The following PCDHA10 variants were observed in gnomAD, a reference collection of about 807,000 sequenced individuals.
The protein encoded by PCDHA10 is protocadherin alpha-10.
In PCDHA10, 45 loss-of-function variants were observed where a neutral mutation model predicts 61.2. That is an observed-to-expected ratio of 0.74 (90% CI 0.58 to 0.94). PCDHA10 has a LOEUF of 0.94. PCDHA10 is among the 40% of genes least tolerant of loss of function. The probability of loss-of-function intolerance (pLI) is 0.00; values close to 1 mark genes in which losing one functional copy is unlikely to be tolerated. For synonymous variants in PCDHA10, 602 were observed against 548.8 expected, an observed-to-expected ratio of 1.10 and a Z score of -1.35; for missense variants, 1,278 against 1,236.2, an observed-to-expected ratio of 1.03 and a Z score of -0.51.
At chr5:140,884,014 G>A (rs1582743653) in intron 1 of PCDHA10, 1 of 1,613,168 alleles carries the variant, frequency 6.2e-7, no homozygotes, top group Non-Finnish European at 8.5e-7. Context: ...AGCTGATGCC[G>A]CGGTCGGTGG....
At position 140,863,585 on chromosome 5, in the gene PCDHA10, A is replaced by G. The variant is rs1365017699; in HGVS notation, c.2388+5149A>G. ...GAGAATATAAGTACTGTAATCCTGG[A>G]AAGTATTTCATTCCTATTAATGTCC... On this transcript the variant is annotated intron_variant, in intron 1 of 3. Coordinates refer to ENST00000307360, the MANE Select transcript of PCDHA10 (RefSeq NM_018901.4). The G allele has an allele frequency of 3.6e-5, 13 of 361,228 alleles. No homozygotes were observed. The East Asian group carries it at 7.6e-4, about 21-fold the overall frequency. The allele number at this position is 361,228 out of a possible 1,614,324, so 22.4% of individuals were successfully genotyped here.
Position 140,856,902 on chromosome 5 carries a change from C to A in PCDHA10, c.854C>A (p.Pro285Gln). 1 of 1,596,268 alleles carries A rather than the reference C, an allele frequency of 6.3e-7. No homozygotes were observed. The highest frequency in any genetic ancestry group is 8.6e-7 in the Non-Finnish European group (1 of 1,166,172). The change falls in exon 1 of 4, where the codon CCA becomes CAA. Residue 285 changes from proline (P) to glutamine (Q), a missense_variant. Transcript: ENST00000307360. The part of the protein sequence containing the change: ...EMMYSFSSLV[P>Q]PTIRRKFWIN... ...ATGTATTCATTTAGCTCTTTGGTCC[C>A]ACCCACGATAAGAAGGAAATTTTGG...
At chr5:140,928,321 A>C (rs1296238254) in intron 1 of PCDHA10, 2 of 1,614,044 alleles carry the variant, frequency 1.2e-6, no homozygotes, top group African/African-American at 2.7e-5. Context: ...CCTGGGGAAG[A>C]ATGGCCTTGT....
chr5:140,876,511 G>A lies in PCDHA10; in HGVS notation c.2388+18075G>A, dbSNP rs559810221. 2.4e-4 allele frequency: 380 copies of A among 1,614,076 alleles called. 4 individuals carry two copies. The South Asian group carries it at 3.9e-3, about 16-fold the overall frequency. ...GGAAGTTCTGGACGTGAATGACAATGTCCCTGAAGTAATGGTTACTTCACT... is the reference window on the plus strand; with the variant it reads ...GGAAGTTCTGGACGTGAATGACAATATCCCTGAAGTAATGGTTACTTCACT... On this transcript the variant is annotated intron_variant, in intron 1 of 3. Coordinates refer to ENST00000307360, the MANE Select transcript of PCDHA10 (RefSeq NM_018901.4).
At chr5:141,002,474 C>T (rs141241701) in intron 3 of PCDHA10, among the ~76,000 whole-genome samples, 65 of 152,334 alleles carry the variant, frequency 4.3e-4, no homozygotes, top group African/African-American at 1.3e-3. Flanking sequence ...TTAGCATTTT[C>T]AAAGGATGAC....
Position 140,856,596 on chromosome 5 carries a change from A to G in PCDHA10, c.548A>G (p.Asn183Ser). ...PNEYFVLDII[N>S]KKDKDKFPVL... is the part of the protein sequence containing the mutation. ...GAGTATTTTGTTCTTGATATTATAA[A>G]CAAAAAAGACAAAGACAAATTCCCA... is the stretch of plus-strand genomic sequence containing the variant. The change falls in exon 1 of 4, where the codon AAC becomes AGC. Residue 183 changes from asparagine to serine, a missense_variant. Physicochemically the swap from Asn to Ser is conservative, Grantham distance 46. Transcript: ENST00000307360. The G allele has an allele frequency of 6.3e-7, 1 of 1,597,802 alleles. No individual in the cohort carries two copies. The highest frequency in any genetic ancestry group is 8.6e-7 in the Non-Finnish European group (1 of 1,167,344).
At position 140,877,671 on chromosome 5, in the gene PCDHA10, G is replaced by T. The variant is rs138162923; in HGVS notation, c.2388+19235G>T. 2.5e-6 allele frequency: 4 copies of T among 1,613,620 alleles called. No individual in the cohort carries two copies. The South Asian group carries it at 3.3e-5, about 13-fold the overall frequency. On this transcript the variant is annotated intron_variant, in intron 1 of 3. Coordinates refer to ENST00000307360, the MANE Select transcript of PCDHA10 (RefSeq NM_018901.4). ...CGCCGCCCACCGTGAGCCGGTGCGC[G>T]CCGGGCAAGCCCACGCTGGTGTGCT...
chr5:140,927,272 G>A lies in PCDHA10; in HGVS notation c.2389-51677G>A, dbSNP rs782403423. 3.7e-6 allele frequency: 6 copies of A among 1,613,966 alleles called. No homozygotes were observed. Among genetic ancestry groups the A allele is most frequent in the African/African-American group, 1.3e-5 (1 of 74,910 alleles). ...GACAACTCACCTCTCTTTCCTGCCG[G>A]CGACGTGCAGCTGCACATCCCCGAG... On this transcript the variant is annotated intron_variant, in intron 1 of 3. Transcript: ENST00000307360.
Position 140,858,345 on chromosome 5 carries a change from A to G in PCDHA10, c.2297A>G (p.Asp766Gly), listed in dbSNP as rs782668038. 4 of 1,594,626 alleles carry G rather than the reference A, an allele frequency of 2.5e-6. 1 individual carries two copies. The African/African-American group carries it at 5.4e-5, about 21-fold the overall frequency. Residue 766 changes from aspartate to glycine, a missense_variant, in exon 1 of 4, where the codon GAC (aspartate) becomes GGC (glycine). Asp to Gly is a moderately conservative substitution (Grantham distance 94, BLOSUM62 -1). Coordinates refer to ENST00000307360, the MANE Select transcript of PCDHA10 (RefSeq NM_018901.4). ...VCSGEGLPKA[D>G]LMAFSPSLPP... is the part of the protein sequence containing the mutation. ...TCTGGGGAGGGCCTGCCCAAGGCGGACCTCATGGCCTTCAGCCCCAGCCTT... is the reference window on the plus strand; with the variant it reads ...TCTGGGGAGGGCCTGCCCAAGGCGGGCCTCATGGCCTTCAGCCCCAGCCTT...
At chr5:140,974,724 C>T (rs893225073) in intron 1 of PCDHA10, among the ~76,000 whole-genome samples, 11 of 152,168 alleles carry the variant, frequency 7.2e-5, no homozygotes, top group Admixed American at 2.6e-4. Flanking sequence ...TGCTCTCGAA[C>T]TCCTGTCTCC....
At chr5:140,933,212 T>C (rs2088935461) in intron 1 of PCDHA10, among the ~76,000 whole-genome samples, 1 of 151,682 alleles carries the variant, frequency 6.6e-6, no homozygotes, top group African/African-American at 2.4e-5. Context: ...ATTACATGTC[T>C]GTTATATTGC....
chr5:140,988,062 A>G (rs1032842011), intron 3 of PCDHA10, among the ~76,000 whole-genome samples: 1 of 152,114 alleles, frequency 6.6e-6, no homozygotes, highest in Non-Finnish European at 1.5e-5. Context: ...GTCAACATGA[A>G]TTTTTCTATT....
intron 1 of PCDHA10, among the ~76,000 whole-genome samples, chr5:140,909,668 CA>C (rs1554193872): frequency 6.6e-6 from 1 of 152,162 alleles, no homozygotes; most frequent in Non-Finnish European, 1.5e-5. Context: ...CTCACTCTAC[CA>C]GTCAGGGAGC....
At chr5:140,994,329 T>A (rs1041024319) in intron 3 of PCDHA10, among the ~76,000 whole-genome samples, 2 of 152,096 alleles carry the variant, frequency 1.3e-5, no homozygotes, top group Non-Finnish European at 2.9e-5. Context: ...TCAGCAACCA[T>A]GAACAGTGGA....
chr5:140,856,444 C>G lies in PCDHA10; in HGVS notation c.396C>G (p.Phe132Leu). 1 of 1,598,432 alleles carries G rather than the reference C, an allele frequency of 6.3e-7. No homozygotes were observed. The highest frequency in any genetic ancestry group is 8.6e-7 in the Non-Finnish European group (1 of 1,167,938). ...ACATTAACGACAACCCGCCCAGGTT[C>G]TCCGTAACAGAACAAAAGCTCTCAA... ...VKDINDNPPR[F>L]SVTEQKLSIP... Residue 132 changes from phenylalanine (F) to leucine (L), a missense_variant, in exon 1 of 4, where the codon TTC becomes TTG. By Grantham distance (22) the Phe-to-Leu change is conservative. Coordinates refer to ENST00000307360, the MANE Select transcript of PCDHA10 (RefSeq NM_018901.4).
chr5:141,010,446 C>T lies in PCDHA10; in HGVS notation c.*509C>T. The T allele has an allele frequency of 1.1e-6, 1 of 944,708 alleles. No homozygotes were observed. The highest frequency in any genetic ancestry group is 1.5e-6 in the Non-Finnish European group (1 of 656,274). 58.5% of individuals were successfully genotyped at this position (944,708 alleles called of 1,614,324 possible). ...AGGCAAGAAAACAAAGACAAATAAACAGCGGAAGTTATCAGTATGGAGGGG... is the reference window on the plus strand; with the variant it reads ...AGGCAAGAAAACAAAGACAAATAAATAGCGGAAGTTATCAGTATGGAGGGG... On this transcript the variant is annotated 3_prime_UTR_variant, in exon 4 of 4. Coordinates refer to ENST00000307360, the MANE Select transcript of PCDHA10 (RefSeq NM_018901.4).
chr5:140,893,040 C>A (rs1554185508), intron 1 of PCDHA10, among the ~76,000 whole-genome samples: 1 of 152,226 alleles, frequency 6.6e-6, no homozygotes, highest in African/African-American at 2.4e-5. Flanking sequence ...AACATATGCC[C>A]TCCAGGCTCA....
chr5:140,882,226 G>T, intron 1 of PCDHA10: 1 of 1,564,150 alleles, frequency 6.4e-7, no homozygotes, highest in Admixed American at 1.9e-5. Context: ...GAGGTAAGGC[G>T]TTGTATATAT....
chr5:140,882,658 G>A (rs2059245402), intron 1 of PCDHA10: 3 of 1,614,148 alleles, frequency 1.9e-6, no homozygotes, highest in Middle Eastern at 1.7e-4. Context: ...ACGACAACCC[G>A]CCCATATTCC....
Sources: gnomAD v4.1 joint callset for allele counts (sites outside exome capture counted in the v4.1 genomes callset) on GRCh38, gnomAD v4.1.1 for gene constraint, MANE v1.5 for transcripts, NCBI Gene and HGNC (gene_info 2026-07-23, HGNC 2026-07-21) for gene names.